Variants in COBL observed in about 807,000 individuals in gnomAD.
COBL encodes cordon-bleu WH2 repeat protein.
A neutral mutation model predicts 98.8 loss-of-function variants in COBL; 51 were observed. That is an observed-to-expected ratio of 0.52 (90% CI 0.41 to 0.65). The LOEUF (loss-of-function observed/expected upper bound fraction) is 0.65. Among genes scored for constraint, COBL ranks in the 30% least tolerant of loss-of-function variants. COBL has a pLI of 0.00. For synonymous variants in COBL, 634 were observed against 651.7 expected (o/e 0.97, Z 0.41); for missense variants, 1,617 against 1,617.5 (o/e 1.00, Z 0.01).
At chr7:51,060,433 C>G (rs548554920) in intron 7 of COBL, among the ~76,000 whole-genome samples, 1 of 152,332 alleles carries the variant, frequency 6.6e-6, no homozygotes, top group Admixed American at 6.5e-5. Flanking sequence ...GTGCATGGAA[C>G]TCACTGGTCT....
intron 1 of COBL, among the ~76,000 whole-genome samples, chr7:51,234,716 A>AAAG (rs1554440871): frequency 4.0e-5 from 6 of 151,218 alleles, no homozygotes; most frequent in Non-Finnish European, 5.9e-5. Context: ...AAAAAAAAAA[A>AAAG]AAAGAAAGAA....
chr7:51,313,991 T>C (rs757543439), intron 1 of COBL, among the ~76,000 whole-genome samples: 1 of 152,238 alleles, frequency 6.6e-6, no homozygotes, highest in Non-Finnish European at 1.5e-5. Context: ...AAGGAAGTCA[T>C]ACATCACTGT....
chr7:51,022,289 C>T (rs1400244127), intron 12 of COBL, among the ~76,000 whole-genome samples: 4 of 152,174 alleles, frequency 2.6e-5, no homozygotes, highest in South Asian at 2.1e-4. Context: ...GCAGGCCACA[C>T]GACTCAGACT....
At chr7:51,291,194 C>G (rs1800861087) in intron 1 of COBL, among the ~76,000 whole-genome samples, 1 of 152,160 alleles carries the variant, frequency 6.6e-6, no homozygotes, top group Non-Finnish European at 1.5e-5. Context: ...ACAAGCAAGG[C>G]TGAGGCACAC....
intron 2 of COBL, among the ~76,000 whole-genome samples, chr7:51,201,253 A>G (rs537890135): frequency 0.021 from 3,111 of 145,880 alleles, 39 homozygotes; most frequent in African/African-American, 0.038. Flanking sequence ...AAAAAAAAAA[A>G]AAAGAAAGAA....
At chr7:51,018,905 A>AAAT (rs1554345519) in intron 12 of COBL, among the ~76,000 whole-genome samples, 11 of 34,428 alleles carry the variant, frequency 3.2e-4, no homozygotes, top group South Asian at 1.4e-3. Context: ...AAAAAAAAAA[A>AAAT]ATATATATAT....
At chr7:51,176,520 C>G (rs1474999895) in intron 5 of COBL, among the ~76,000 whole-genome samples, 1 of 152,094 alleles carries the variant, frequency 6.6e-6, no homozygotes, top group African/African-American at 2.4e-5. Flanking sequence ...CCCTGCTAAC[C>G]AAATATACTC....
In COBL at chr7:51,025,376, G is replaced by A; in HGVS notation, c.3505-4C>T. On this transcript the variant is annotated splice_polypyrimidine_tract_variant and splice_region_variant and intron_variant, in intron 11 of 12. Transcript: ENST00000265136. The stretch of plus-strand genomic sequence containing the variant: ...CCTCAGAAGCAGAGGATGCCACCTG[G>A]CAATGAGATGATTAAATGACTGCTA... 6.2e-7 allele frequency: 1 copy of A among 1,613,150 alleles called. No individual in the cohort carries two copies. Among genetic ancestry groups the A allele is most frequent in the Non-Finnish European group, 8.5e-7 (1 of 1,179,984 alleles).
intron 5 of COBL, among the ~76,000 whole-genome samples, chr7:51,143,837 A>C (rs761950786): frequency 6.6e-5 from 10 of 152,184 alleles, no homozygotes; most frequent in Non-Finnish European, 1.3e-4. Context: ...AAGCAGGAAA[A>C]GTAGCTGTGT....
At chr7:51,072,872 A>G (rs528686135) in intron 7 of COBL, 1 of 152,536 alleles carries the variant, frequency 6.6e-6, no homozygotes, top group Non-Finnish European at 1.5e-5. Context: ...GTGAGTTCCT[A>G]GTAACTACAT....
At chr7:51,179,959 T>G (rs541399055) in intron 5 of COBL, among the ~76,000 whole-genome samples, 1 of 152,346 alleles carries the variant, frequency 6.6e-6, no homozygotes, top group East Asian at 1.9e-4. Flanking sequence ...TCAAGAAAAC[T>G]TTTCTTTTTG....
At chr7:51,085,756 C>T (rs1039259700) in intron 6 of COBL, among the ~76,000 whole-genome samples, 1 of 152,148 alleles carries the variant, frequency 6.6e-6, no homozygotes, top group African/African-American at 2.4e-5. Context: ...CAGACCTCAC[C>T]CTGCTCTGAC....
chr7:51,086,358 G>GAAA (rs57609497), intron 6 of COBL, among the ~76,000 whole-genome samples: 3 of 74,832 alleles, frequency 4.0e-5, no homozygotes, highest in Admixed American at 1.6e-4. Flanking sequence ...CTGTGTCTCA[G>GAAA]AAAAAAAAAA....
intron 2 of COBL, among the ~76,000 whole-genome samples, chr7:51,196,448 C>T (rs902014046): frequency 3.3e-5 from 5 of 151,994 alleles, no homozygotes; most frequent in African/African-American, 4.8e-5. Context: ...AGGATAGTGG[C>T]CTGAAGTTTT....
chr7:51,303,098 A>G, intron 1 of COBL, among the ~76,000 whole-genome samples: 1 of 152,242 alleles, frequency 6.6e-6, no homozygotes, highest in East Asian at 1.9e-4. Flanking sequence ...AATACAATAC[A>G]TTAATGTTTC....
chr7:51,062,212 T>A (rs1044627261), intron 7 of COBL, among the ~76,000 whole-genome samples: 10 of 152,190 alleles, frequency 6.6e-5, no homozygotes, highest in Non-Finnish European at 1.5e-4. Context: ...TTTCCCAGGA[T>A]GCAACCCTGA....
intron 1 of COBL, among the ~76,000 whole-genome samples, chr7:51,225,272 G>A (rs1226417520): frequency 6.6e-6 from 1 of 152,148 alleles, no homozygotes; most frequent in East Asian, 1.9e-4. Context: ...ACCAAGCAGG[G>A]GATGCCTTTC....
chr7:51,048,160 C>T (rs931634050), intron 7 of COBL, among the ~76,000 whole-genome samples: 3 of 152,028 alleles, frequency 2.0e-5, no homozygotes, highest in Admixed American at 2.0e-4. Context: ...AGCAAGACTC[C>T]ATCTCAAAAA....
intron 7 of COBL, among the ~76,000 whole-genome samples, chr7:51,060,486 C>T (rs959996268): frequency 2.0e-5 from 3 of 152,142 alleles, no homozygotes; most frequent in African/African-American, 4.8e-5. Context: ...TTTGATAGAA[C>T]AGTAGAGTGG....
Sources: allele counts gnomAD v4.1 joint callset (sites outside exome capture counted in the v4.1 genomes callset), GRCh38; gene constraint gnomAD v4.1.1; transcripts MANE v1.5; gene names NCBI Gene and HGNC (gene_info 2026-07-23, HGNC 2026-07-21).